The following PTPRD variants were observed in gnomAD, a reference collection of about 807,000 sequenced individuals.
PTPRD encodes the protein protein tyrosine phosphatase receptor type D.
In PTPRD, 34 loss-of-function variants were observed where a neutral mutation model predicts 214.5. The ratio of observed to expected loss-of-function variants is 0.16; its 90% CI spans 0.12 to 0.21. The LOEUF (loss-of-function observed/expected upper bound fraction) is 0.21, where lower values mean the gene tolerates loss of function less well. PTPRD is among the 10% of genes least tolerant of loss of function. The pLI, the probability that PTPRD is intolerant of heterozygous loss-of-function variation, is 1.00. For synonymous variants in PTPRD, 1,128 were observed against 845.7 expected, an observed-to-expected ratio of 1.33 and a Z score of -5.79; for missense variants, 2,545 against 2,398.7, an observed-to-expected ratio of 1.06 and a Z score of -1.27.
chr9:8,994,661 A>G lies in PTPRD; in HGVS notation c.-104+24036T>C, dbSNP rs545269281. ...TTAAGACAATTACAATTACGGTTGG[A>G]GGGGGGGTGTTGTTTGTTTTTGTAA... On this transcript the variant is annotated intron_variant, in intron 11 of 45. Coordinates refer to ENST00000381196, the MANE Select transcript of PTPRD (RefSeq NM_002839.4). 6.1e-3 allele frequency among the ~76,000 whole-genome samples: 934 copies of G among 151,932 alleles called. 2 individuals are homozygous for G. The highest frequency in any genetic ancestry group is 0.022 in the African/African-American group (908 of 41,478).
At chr9:9,854,382 G>C (rs922814716) in intron 5 of PTPRD, among the ~76,000 whole-genome samples, 3 of 151,868 alleles carry the variant, frequency 2.0e-5, no homozygotes, top group Non-Finnish European at 2.9e-5. Flanking sequence ...AAAAGCATTG[G>C]GAATTTCTTC....
chr9:8,626,996 C>G (rs1001074127), intron 14 of PTPRD, among the ~76,000 whole-genome samples: 75 of 151,872 alleles, frequency 4.9e-4, no homozygotes, highest in African/African-American at 1.7e-3. Flanking sequence ...GATTTCCTCC[C>G]TAAGCCACTT....
Position 9,319,864 on chromosome 9 carries a change from T to A in PTPRD, c.-203+77585A>T, listed in dbSNP as rs887367540. Among the ~76,000 whole-genome samples, 7 of 152,170 alleles carry A rather than the reference T, an allele frequency of 4.6e-5. 1 individual carries two copies. The South Asian group carries it at 1.4e-3, about 31-fold the overall frequency. ...TACAATTTAATTTAGCCAGTCTCTA[T>A]AACAAATTTTATTCCCATACAATTT... is the stretch of plus-strand genomic sequence containing the variant. On this transcript the variant is annotated intron_variant, in intron 9 of 45. Transcript: ENST00000381196.
Position 9,502,624 on chromosome 9 carries a change from G to T in PTPRD, c.-237+72108C>A, listed in dbSNP as rs112772973. Among the ~76,000 whole-genome samples, 4 of 151,858 alleles carry T rather than the reference G, an allele frequency of 2.6e-5. No homozygotes were observed. The East Asian group carries it at 5.8e-4, about 22-fold the overall frequency. On this transcript the variant is annotated intron_variant, in intron 8 of 45. Transcript: ENST00000381196. ...AAATAAAAACATTTGTTTATGAAAA[G>T]AATCAAGCAAGATTGTTTATAGCAG...
intron 2 of PTPRD, among the ~76,000 whole-genome samples, chr9:10,496,533 T>G (rs2042085120): frequency 6.6e-6 from 1 of 152,070 alleles, no homozygotes; most frequent in Admixed American, 6.6e-5. Context: ...ATCTCCAAAC[T>G]GGTTTCTACA....
intron 10 of PTPRD, among the ~76,000 whole-genome samples, chr9:9,052,224 G>A (rs1267833092): frequency 6.6e-6 from 1 of 152,142 alleles, no homozygotes; most frequent in Non-Finnish European, 1.5e-5. Context: ...ATCCATTCAT[G>A]AGGGTTCTGC....
At position 8,564,070 on chromosome 9, in the gene PTPRD, G is replaced by C. The variant is rs547232069; in HGVS notation, c.353-35291C>G. Reference sequence around the variant, plus strand: ...TGATGTCCCAGGCTAGAGATATGTGGTACGATACTCTCTGGTGATGCTGGA... The same window carrying C: ...TGATGTCCCAGGCTAGAGATATGTGCTACGATACTCTCTGGTGATGCTGGA... On this transcript the variant is annotated intron_variant, in intron 14 of 45. Transcript: ENST00000381196. 4.6e-5 allele frequency among the ~76,000 whole-genome samples: 7 copies of C among 152,270 alleles called. No homozygotes were observed. The East Asian group carries it at 1.2e-3, about 25-fold the overall frequency.
At chr9:9,831,663 C>T (rs1488693986) in intron 5 of PTPRD, among the ~76,000 whole-genome samples, 2 of 151,964 alleles carry the variant, frequency 1.3e-5, no homozygotes, top group South Asian at 2.1e-4. Flanking sequence ...CAGATTCCAG[C>T]ATAACCTGAA....
At chr9:9,663,664 T>A (rs1564400695) in intron 7 of PTPRD, among the ~76,000 whole-genome samples, 3 of 151,664 alleles carry the variant, frequency 2.0e-5, no homozygotes, top group African/African-American at 4.8e-5. Flanking sequence ...CATATCCAAA[T>A]GATCACTAAC....
At chr9:9,928,515 C>CT (rs2085143898) in intron 5 of PTPRD, among the ~76,000 whole-genome samples, 1 of 151,974 alleles carries the variant, frequency 6.6e-6, no homozygotes, top group Admixed American at 6.6e-5. Flanking sequence ...GTAAAGATCA[C>CT]TTACACAAAG....
intron 28 of PTPRD, 28 bp from the exon 29 acceptor site, chr9:8,485,352 T>G: frequency 6.6e-7 from 1 of 1,517,438 alleles, no homozygotes; most frequent in Non-Finnish European, 9.1e-7. Context: ...ACAGTGTATT[T>G]AAACTATTCT....
Position 9,761,623 on chromosome 9 carries a change from T to C in PTPRD, c.-326+5187A>G, listed in dbSNP as rs111360600. ...ATATGCTGGTTGTGATATTATACTA[T>C]AGTTTTCCAAAATGTTGCCATTAGG... On this transcript the variant is annotated intron_variant, in intron 6 of 45. Coordinates refer to ENST00000381196, the MANE Select transcript of PTPRD (RefSeq NM_002839.4). 6.9e-4 allele frequency among the ~76,000 whole-genome samples: 105 copies of C among 152,298 alleles called. 1 individual carries two copies. Among genetic ancestry groups the C allele is most frequent in the African/African-American group, 2.4e-3 (100 of 41,550 alleles).
rs115264410 is a variant in PTPRD, at chr9:10,521,911, C to G, written c.-600+90487G>C. Among the ~76,000 whole-genome samples, 816 of 152,172 alleles carry G rather than the reference C, an allele frequency of 5.4e-3. 10 individuals carry two copies. Among genetic ancestry groups the G allele is most frequent in the African/African-American group, 0.018 (763 of 41,518 alleles). Reference sequence around the variant, plus strand: ...GGAACCAAAAAATATGTACAATGTGCTTTTTTGCAATATTTGCTTTATTGC... The same window carrying G: ...GGAACCAAAAAATATGTACAATGTGGTTTTTTGCAATATTTGCTTTATTGC... On this transcript the variant is annotated intron_variant, in intron 2 of 45. Transcript: ENST00000381196.
chr9:10,031,085 G>A (rs1474420606), intron 4 of PTPRD, among the ~76,000 whole-genome samples: 1 of 152,086 alleles, frequency 6.6e-6, no homozygotes, highest in African/African-American at 2.4e-5. Context: ...AAATTCCAGG[G>A]TCCAAGTATA....
At chr9:8,643,024 G>C (rs890320325) in intron 12 of PTPRD, among the ~76,000 whole-genome samples, 4 of 152,154 alleles carry the variant, frequency 2.6e-5, no homozygotes, top group African/African-American at 9.7e-5. Flanking sequence ...CAGTGAATCT[G>C]TCACATGAAA....
intron 3 of PTPRD, among the ~76,000 whole-genome samples, chr9:10,255,083 A>G (rs1489540657): frequency 1.3e-5 from 2 of 152,248 alleles, no homozygotes; most frequent in African/African-American, 2.4e-5. Context: ...ACAATTAGCA[A>G]GAATGTTTAA....
At position 9,875,837 on chromosome 9, in the gene PTPRD, C is replaced by T. The variant is rs542609994; in HGVS notation, c.-368+62670G>A. ...TGTGATAAATATTAATTTATGTTAA[C>T]TGATAAAAGTTAAAATACTATAAAA... is the stretch of plus-strand genomic sequence containing the variant. On this transcript the variant is annotated intron_variant, in intron 5 of 45. Coordinates refer to ENST00000381196, the MANE Select transcript of PTPRD (RefSeq NM_002839.4). Among the ~76,000 whole-genome samples, 23 of 152,142 alleles carry T rather than the reference C, an allele frequency of 1.5e-4. 1 individual carries two copies. In the South Asian group the frequency reaches 4.3e-3, roughly 29 times the overall value.
intron 10 of PTPRD, among the ~76,000 whole-genome samples, chr9:9,026,916 T>C (rs1343994802): frequency 6.6e-6 from 1 of 151,702 alleles, no homozygotes; most frequent in Non-Finnish European, 1.5e-5. Context: ...TCAATTCACA[T>C]TCCAGGAAGG....
At chr9:8,919,655 A>G (rs1342877929) in intron 11 of PTPRD, among the ~76,000 whole-genome samples, 1 of 152,168 alleles carries the variant, frequency 6.6e-6, no homozygotes, top group Non-Finnish European at 1.5e-5. Flanking sequence ...TCACATTTAT[A>G]GTGTTTTGGA....
Sources: allele counts gnomAD v4.1 joint callset (sites outside exome capture counted in the v4.1 genomes callset), GRCh38; gene constraint gnomAD v4.1.1; transcripts MANE v1.5; gene names NCBI Gene and HGNC (gene_info 2026-07-23, HGNC 2026-07-21).